Variants in GOSR2 observed in about 807,000 individuals in gnomAD.
GOSR2 encodes the protein golgi SNAP receptor complex member 2.
GOSR2 carries 20 observed loss-of-function variants against 27.9 expected under a neutral mutation model. The ratio of observed to expected loss-of-function variants is 0.72; its 90% confidence interval spans 0.50 to 1.04. GOSR2 has a LOEUF of 1.04. Among genes scored for constraint, GOSR2 ranks in the 50% least tolerant of loss-of-function variants. GOSR2 has a pLI of 0.00. For synonymous variants in GOSR2, 91 were observed against 98.8 expected, an observed-to-expected ratio of 0.92 and a Z score of 0.47; for missense variants, 261 against 270.5, an observed-to-expected ratio of 0.97 and a Z score of 0.25.
rs1160364840 is a variant in GOSR2 at position 46,935,030 on chromosome 17, ACT to A, written c.341_342del (p.Ser114Ter). Reference sequence around the variant, plus strand: ...CAAGTGCCTGTGTTTCTTTCACAGGACTCTGACACCACCATACCAATGGACGA... The same window carrying A: ...CAAGTGCCTGTGTTTCTTTCACAGGACTGACACCACCATACCAATGGACGA... On this transcript the variant is annotated frameshift_variant and splice_region_variant, in exon 5 of 6. Coordinates refer to ENST00000640051, the MANE Select transcript of GOSR2 (RefSeq NM_004287.5). LOFTEE classifies it high-confidence loss of function. 1.2e-6 allele frequency: 2 copies of A among 1,612,688 alleles called. No homozygotes were observed. Among genetic ancestry groups the A allele is most frequent in the African/African-American group, 2.7e-5 (2 of 74,880 alleles).
chr17:46,958,202 G>T (rs1302674538), intron 6 of GOSR2, among the ~76,000 whole-genome samples: 1 of 152,208 alleles, frequency 6.6e-6, no homozygotes, highest in Non-Finnish European at 1.5e-5. Flanking sequence ...GTTTGGTCAG[G>T]CCAACCAACT....
downstream of GOSR2, among the ~76,000 whole-genome samples, chr17:46,942,931 C>T (rs1358513558): frequency 3.9e-5 from 6 of 152,216 alleles, no homozygotes; most frequent in South Asian, 2.1e-4. Flanking sequence ...TCCCTCCCCG[C>T]CTCATCCCCA....
chr17:46,948,015 C>CTGCCTTGGCCTT (rs1366641176), intron 6 of GOSR2, among the ~76,000 whole-genome samples: 1 of 152,224 alleles, frequency 6.6e-6, no homozygotes, highest in Non-Finnish European at 1.5e-5. Flanking sequence ...GGTGATCCAC[C>CTGCCTTGGCCTT]TGCCTTGGCC....
Position 46,940,211 on chromosome 17 carries a change from T to A in GOSR2, c.*1451T>A. On this transcript the variant is annotated 3_prime_UTR_variant, in exon 6 of 6. Coordinates refer to ENST00000640051, the MANE Select transcript of GOSR2 (RefSeq NM_004287.5). ...CCCCTTTGGTAAGTTTTCTTAATTG[T>A]CATAGATTAACTGAGTTTCCTGGAT... 7.1e-7 allele frequency: 1 copy of A among 1,410,952 alleles called. No individual in the cohort carries two copies. Among genetic ancestry groups the A allele is most frequent in the Non-Finnish European group, 9.2e-7 (1 of 1,086,006 alleles). The allele number at this position is 1,410,952 out of a possible 1,614,324, so 87.4% of individuals were successfully genotyped here.
intron 1 of GOSR2, 26 bp from the exon 2 acceptor site, chr17:46,929,494 T>G: frequency 7.7e-7 from 1 of 1,293,214 alleles, no homozygotes; most frequent in Non-Finnish European, 1.1e-6. Flanking sequence ...CCTGTCTCAC[T>G]CATTTCCTCC....
chr17:46,939,282 T>G lies in GOSR2; in HGVS notation c.*522T>G. On this transcript the variant is annotated 3_prime_UTR_variant, in exon 6 of 6. Transcript: ENST00000640051. ...CACCCTCCCCTGTGCCTCAGTGACA[T>G]GTAGATGACTGACTGCCAATACTTG... The G allele has an allele frequency of 9.8e-7, 1 of 1,024,964 alleles. No individual in the cohort carries two copies. Among genetic ancestry groups the G allele is most frequent in the Middle Eastern group, 4.9e-4 (1 of 2,036 alleles). 63.5% of individuals were successfully genotyped at this position (1,024,964 alleles called of 1,614,324 possible). A position where few individuals can be genotyped will look rare whatever the true frequency, so the allele number is the denominator to read the frequency against.
downstream of GOSR2, among the ~76,000 whole-genome samples, chr17:46,942,518 G>T (rs1367849639): frequency 6.6e-6 from 1 of 152,238 alleles, no homozygotes; most frequent in African/African-American, 2.4e-5. Context: ...TGCTCTGCTG[G>T]GGTCTGGGGG....
In GOSR2 at chr17:46,923,202, C is replaced by G. The variant is rs756276963; in HGVS notation, c.10C>G (p.Leu4Val). 22 of 1,548,796 alleles carry G rather than the reference C, an allele frequency of 1.4e-5. No homozygotes were observed. The South Asian group carries it at 1.7e-4, about 12-fold the overall frequency. Residue 4 changes from leucine to valine, a missense_variant, in exon 1 of 6, where the codon CTG (leucine) becomes GTG (valine). Leu to Val is a conservative substitution (Grantham distance 32). Transcript: ENST00000640051. ...CTGCGGGGCCGGCGACATGGATCCC[C>G]TGTTCCAGCAAACGCACAAGTGAGG... MDP[L>V]FQQTHKQVHE...
Position 46,938,927 on chromosome 17 carries a change from G to A in GOSR2, c.*167G>A. 1.3e-6 allele frequency: 2 copies of A among 1,509,580 alleles called. No individual in the cohort carries two copies. The highest frequency in any genetic ancestry group is 1.8e-6 in the Non-Finnish European group (2 of 1,129,158). The allele number at this position is 1,509,580 out of a possible 1,614,324, so 93.5% of individuals were successfully genotyped here. A position where few individuals can be genotyped will look rare whatever the true frequency, so the allele number is the denominator to read the frequency against. On this transcript the variant is annotated 3_prime_UTR_variant, in exon 6 of 6. Coordinates refer to ENST00000640051, the MANE Select transcript of GOSR2 (RefSeq NM_004287.5). Reference sequence around the variant, plus strand: ...TAATTTCCAACCTGCTCTGTTTTCTGTGACATCTTGGAGGGGGAGCTAGTG... The same window carrying A: ...TAATTTCCAACCTGCTCTGTTTTCTATGACATCTTGGAGGGGGAGCTAGTG...
rs2089167816 is a variant in GOSR2 at position 46,940,815 on chromosome 17, T to G, written c.*2055T>G. 1.4e-6 allele frequency: 2 copies of G among 1,471,320 alleles called. No homozygotes were observed. The highest frequency in any genetic ancestry group is 2.2e-5 in the Admixed American group (1 of 45,806). 91.1% of individuals were successfully genotyped at this position (1,471,320 alleles called of 1,614,324 possible). A position where few individuals can be genotyped will look rare whatever the true frequency, so the allele number is the denominator to read the frequency against. ...AGGTGGTTTTTGGGTCTTTACCACC[T>G]GCGGCTGGTGGACAGCAGCCAGTGT... is the stretch of plus-strand genomic sequence containing the variant. On this transcript the variant is annotated 3_prime_UTR_variant, in exon 6 of 6. Coordinates refer to ENST00000640051, the MANE Select transcript of GOSR2 (RefSeq NM_004287.5).
At chr17:46,923,709 G>A in intron 1 of GOSR2, 1 of 545,154 alleles carries the variant, frequency 1.8e-6, no homozygotes, top group Non-Finnish European at 2.8e-6. Flanking sequence ...AGAAATTGCT[G>A]TCCACGTAGC....
At chr17:46,943,908 T>C (rs2089594767), downstream of GOSR2, among the ~76,000 whole-genome samples, 1 of 152,134 alleles carries the variant, frequency 6.6e-6, no homozygotes, top group African/African-American at 2.4e-5. Context: ...GATCCCTCGG[T>C]CTGATGGTCA....
intron 1 of GOSR2, among the ~76,000 whole-genome samples, chr17:46,927,695 C>T (rs367634879): frequency 6.6e-6 from 1 of 152,126 alleles, no homozygotes; most frequent in East Asian, 1.9e-4. Flanking sequence ...TCCTCTTGGG[C>T]CAGCTGTAGG....
At chr17:46,946,332 A>C (rs1044856709), downstream of GOSR2, among the ~76,000 whole-genome samples, 4 of 151,184 alleles carry the variant, frequency 2.6e-5, no homozygotes, top group Admixed American at 2.6e-4. Flanking sequence ...GTGGTGGCGC[A>C]TGCCTGTAAT....
intron 2 of GOSR2, chr17:46,930,651 CTT>C (rs34667998): frequency 2.6e-4 from 24 of 91,450 alleles, no homozygotes; most frequent in East Asian, 6.7e-4. Flanking sequence ...TTCCTTTATG[CTT>C]TTTTTTTTTT....
chr17:46,941,333 G>A lies in GOSR2; in HGVS notation c.*2573G>A, dbSNP rs886053086. On this transcript the variant is annotated 3_prime_UTR_variant, in exon 6 of 6. Transcript: ENST00000640051. The stretch of plus-strand genomic sequence containing the variant: ...CCATTGTTTTGGAAGCACATCAGCT[G>A]AATAAAGTTGAGGTTTATTTTATTT... 3.0e-6 allele frequency: 3 copies of A among 984,994 alleles called. No homozygotes were observed. Among genetic ancestry groups the A allele is most frequent in the Non-Finnish European group, 3.6e-6 (3 of 829,526 alleles). The allele number at this position is 984,994 out of a possible 1,614,324, so 61.0% of individuals were successfully genotyped here.
rs2088373583 is a variant in GOSR2, at chr17:46,936,461, A to G, written c.477+1292A>G. ...CTGGGGGTTGAGACTTGAGGTTTCT[A>G]ACTTTCCTCTGCACACCTGTGGCTA... On this transcript the variant is annotated intron_variant, in intron 5 of 5. Transcript: ENST00000640051. The G allele has an allele frequency of 9.1e-6, 9 of 985,200 alleles. No homozygotes were observed. In the South Asian group the frequency reaches 2.8e-4, roughly 31 times the overall value. The allele number at this position is 985,200 out of a possible 1,614,324, so 61.0% of individuals were successfully genotyped here. A position where few individuals can be genotyped will look rare whatever the true frequency, so the allele number is the denominator to read the frequency against.
chr17:46,949,531 G>A (rs1434771052), intron 6 of GOSR2, among the ~76,000 whole-genome samples: 2 of 152,166 alleles, frequency 1.3e-5, no homozygotes, highest in Admixed American at 6.5e-5. Flanking sequence ...AGAGCAGGTG[G>A]GATGGAATTG....
intron 6 of GOSR2, among the ~76,000 whole-genome samples, chr17:46,953,120 A>C (rs1307123396): frequency 6.6e-6 from 1 of 152,000 alleles, no homozygotes. Flanking sequence ...ATATGTATAC[A>C]TGTGCCATGT....
Sources: gnomAD v4.1 joint callset for allele counts (sites outside exome capture counted in the v4.1 genomes callset) on GRCh38, gnomAD v4.1.1 for gene constraint, MANE v1.5 for transcripts, NCBI Gene and HGNC (gene_info 2026-07-23, HGNC 2026-07-21) for gene names.